The following ELN variants were observed in gnomAD, a reference collection of about 807,000 sequenced individuals.
ELN encodes tropoelastin.
Under a neutral mutation model 105.8 loss-of-function variants are expected in ELN, and 65 were observed. That is an observed-to-expected ratio of 0.61 (90% CI 0.50 to 0.75). The LOEUF (loss-of-function observed/expected upper bound fraction) is 0.75. Among genes scored for constraint, ELN ranks in the 30% least tolerant of loss-of-function variants. ELN has a pLI of 0.00. For missense variants in ELN, 882 were observed against 969.4 expected (o/e 0.91, Z 1.20); for synonymous variants, 368 against 389.2 (o/e 0.95, Z 0.64).
chr7:74,066,531 C>T (rs782248019), intron 31 of ELN, among the ~76,000 whole-genome samples: 2 of 152,114 alleles, frequency 1.3e-5, no homozygotes, highest in Non-Finnish European at 1.5e-5. Context: ...CGCACCACTG[C>T]ACTCCAGCCT....
At chr7:74,048,767 A>G (rs934078710) in intron 15 of ELN, among the ~76,000 whole-genome samples, 1 of 151,518 alleles carries the variant, frequency 6.6e-6, no homozygotes. Flanking sequence ...TACTTTCTCC[A>G]TCCCTCCCTC....
At chr7:74,046,861 A>C in intron 12 of ELN, 94 bp downstream of exon 12, 1 of 1,412,068 alleles carries the variant, frequency 7.1e-7, no homozygotes, top group Non-Finnish European at 9.9e-7. Flanking sequence ...AGGCGGGCAG[A>C]TCACTTGAGG....
rs530876235 is a variant in ELN, at chr7:74,063,320, C to T, written c.1869C>T (p.Pro623=). ...GGTCTGTGTTCCCAGGAGCCGGACC[C>T]GCCGCCGCCGCTGCCGCAGCCAAAG... ...GIPGGVVGAG[P]AAAAAAAKAA... Residue 623 remains proline (P), a synonymous_variant, in exon 28 of 33, where the codon CCC becomes CCT. Coordinates refer to ENST00000252034, the MANE Select transcript of ELN (RefSeq NM_000501.4). This position sits in a 1 kb window ranked among gnomAD's most constrained non-coding sequence, Gnocchi z 4.1. 2.3e-5 allele frequency: 35 copies of T among 1,549,982 alleles called. No individual in the cohort carries two copies. In the East Asian group the frequency reaches 2.9e-4, roughly 13 times the overall value.
In ELN at chr7:74,060,565, C is replaced by T. The variant is rs782080715; in HGVS notation, c.1747+64C>T. 9 of 1,612,148 alleles carry T rather than the reference C, an allele frequency of 5.6e-6. No homozygotes were observed. In the South Asian group the frequency reaches 9.9e-5, roughly 18 times the overall value. On this transcript the variant is annotated intron_variant, in intron 25 of 32. Coordinates refer to ENST00000252034, the MANE Select transcript of ELN (RefSeq NM_000501.4). ...CTCAGGGAAGGAGATCCCTCCTCCTCTCAGCACCTCCCCAGCACCCCCTCA... is the reference window on the plus strand; with the variant it reads ...CTCAGGGAAGGAGATCCCTCCTCCTTTCAGCACCTCCCCAGCACCCCCTCA...
In ELN at chr7:74,056,619, A is replaced by G. The variant is rs560093382; in HGVS notation, c.1316-53A>G. 3.8e-5 allele frequency: 62 copies of G among 1,613,288 alleles called. 1 individual carries two copies. In the South Asian group the frequency reaches 6.6e-4, roughly 17 times the overall value. ...CAGAAGAGCTTTAAACACGGCTCGG[A>G]GGAGACCCAGGCACGGCTTCTGAGG... On this transcript the variant is annotated intron_variant, in intron 20 of 32. Coordinates refer to ENST00000252034, the MANE Select transcript of ELN (RefSeq NM_000501.4).
At chr7:74,059,287 G>C (rs1796061933) in intron 22 of ELN, among the ~76,000 whole-genome samples, 1 of 152,288 alleles carries the variant, frequency 6.6e-6, no homozygotes, top group Middle Eastern at 3.4e-3. Context: ...GCTGAGCTGA[G>C]ATTTGAACCC....
intron 15 of ELN, among the ~76,000 whole-genome samples, chr7:74,050,795 C>G (rs1554675586): frequency 6.6e-6 from 1 of 151,948 alleles, no homozygotes; most frequent in African/African-American, 2.4e-5. Flanking sequence ...TTTTTTCTAC[C>G]TGAGGAAAGT....
chr7:74,058,084 C>G (rs1795727908), intron 22 of ELN, among the ~76,000 whole-genome samples: 1 of 151,272 alleles, frequency 6.6e-6, no homozygotes, highest in South Asian at 2.1e-4. Context: ...TTCTTCTCCT[C>G]CTCCTCCTTC....
At chr7:74,060,729 T>A in intron 25 of ELN, 1 of 1,205,458 alleles carries the variant, frequency 8.3e-7, no homozygotes, top group Non-Finnish European at 1.2e-6. Context: ...AGTAGAGGGG[T>A]GGCAGGGCTC....
chr7:74,058,248 CTT>C (rs2132182966), intron 22 of ELN, among the ~76,000 whole-genome samples: 1 of 78,490 alleles, frequency 1.3e-5, no homozygotes, highest in East Asian at 2.6e-4. Context: ...TTTTCTCCTT[CTT>C]TCTTCTTCTT....
At chr7:74,060,708 T>C in intron 25 of ELN, 1 of 1,359,218 alleles carries the variant, frequency 7.4e-7, no homozygotes, top group Non-Finnish European at 1.0e-6. Flanking sequence ...TTGCAGAGTA[T>C]CTGCCTCCTC....
chr7:74,035,273 C>T, intron 1 of ELN, 91 bp from the exon 2 acceptor site: 1 of 1,299,346 alleles, frequency 7.7e-7, no homozygotes, highest in Non-Finnish European at 1.1e-6. Flanking sequence ...TGGGTTTTGC[C>T]ATTGAAAGTA....
intron 1 of ELN, among the ~76,000 whole-genome samples, chr7:74,034,075 C>T (rs1034786575): frequency 2.6e-5 from 4 of 152,204 alleles, no homozygotes; most frequent in Non-Finnish European, 5.9e-5. Context: ...GGAAACTATT[C>T]ACTGTGCTCA....
intron 25 of ELN, 28 bp from the exon 26 acceptor site, chr7:74,061,073 C>G (rs565446082): frequency 6.2e-7 from 1 of 1,614,094 alleles, no homozygotes; most frequent in Middle Eastern, 1.6e-4. Flanking sequence ...CGGCTCCTGA[C>G]CACTCCCCAA....
At chr7:74,044,929 G>A (rs782102615) in intron 9 of ELN, among the ~76,000 whole-genome samples, 1 of 152,240 alleles carries the variant, frequency 6.6e-6, no homozygotes, top group African/African-American at 2.4e-5. Flanking sequence ...CTTTTCTGCG[G>A]AGGGTGGTCG....
rs368289658 is a variant in ELN at position 74,069,377 on chromosome 7, C to T, written c.*677C>T. Reference sequence around the variant, plus strand: ...ATCCATCGGTCCGTCCATCCATGTCCCCAGTTGACCGCCCGGCACCACTAG... The same window carrying T: ...ATCCATCGGTCCGTCCATCCATGTCTCCAGTTGACCGCCCGGCACCACTAG... On this transcript the variant is annotated 3_prime_UTR_variant, in exon 33 of 33. Coordinates refer to ENST00000252034, the MANE Select transcript of ELN (RefSeq NM_000501.4). 6 of 235,622 alleles carry T rather than the reference C, an allele frequency of 2.5e-5. No homozygotes were observed. In the East Asian group the frequency reaches 3.6e-4, roughly 14 times the overall value. The allele number at this position is 235,622 out of a possible 1,614,324, so 14.6% of individuals were successfully genotyped here. A position where few individuals can be genotyped will look rare whatever the true frequency, so the allele number is the denominator to read the frequency against.
intron 5 of ELN, 132 bp from the exon 6 acceptor site, chr7:74,042,482 C>T (rs746241532): frequency 9.4e-6 from 7 of 743,096 alleles, no homozygotes; most frequent in Non-Finnish European, 1.6e-5. Context: ...GTCCTGCAGG[C>T]ATTGATGTCT....
intron 32 of ELN, 115 bp from the exon 33 acceptor site, chr7:74,068,542 C>G: frequency 7.6e-7 from 1 of 1,312,382 alleles, no homozygotes; most frequent in Non-Finnish European, 1.1e-6. Context: ...GGGGCCATGA[C>G]TTGGCTTCTC....
In ELN at chr7:74,033,072, C is replaced by A. The variant is rs542301850; in HGVS notation, c.83-2292C>A. 9.8e-4 allele frequency among the ~76,000 whole-genome samples: 150 copies of A among 152,352 alleles called. 2 individuals are homozygous for A. The highest frequency in any genetic ancestry group is 3.4e-3 in the African/African-American group (142 of 41,582). ...TTTACAACTTGCAGCAACCTTGCAA[C>A]CTTGCAGCAACCTTGCAACCTTGCA... On this transcript the variant is annotated intron_variant, in intron 1 of 32. Coordinates refer to ENST00000252034, the MANE Select transcript of ELN (RefSeq NM_000501.4).
Sources: gnomAD v4.1 joint callset for allele counts (sites outside exome capture counted in the v4.1 genomes callset) on GRCh38, gnomAD v4.1.1 for gene constraint, Gnocchi (gnomAD v3.1) non-coding constraint, MANE v1.5 for transcripts, NCBI Gene and HGNC (gene_info 2026-07-23, HGNC 2026-07-21) for gene names.